DMTN: variants seen among roughly 807,000 people sequenced by gnomAD.
DMTN encodes dematin actin binding protein.
In DMTN, 27 loss-of-function variants were observed where a neutral mutation model predicts 59.4. The ratio of observed to expected loss-of-function variants is 0.45; its 90% confidence interval spans 0.33 to 0.63. The LOEUF (loss-of-function observed/expected upper bound fraction) is 0.63, where lower values mean the gene tolerates loss of function less well. Ranked by LOEUF, DMTN falls within the 20% of genes least tolerant of loss-of-function variation. DMTN has a pLI of 0.02. For missense variants in DMTN, 451 were observed against 528.9 expected, an observed-to-expected ratio of 0.85 and a Z score of 1.45; for synonymous variants, 221 against 203.7, an observed-to-expected ratio of 1.08 and a Z score of -0.72.
chr8:22,066,787 G>A lies in DMTN; in HGVS notation c.-89G>A. 1 of 1,373,960 alleles carries A rather than the reference G, an allele frequency of 7.3e-7. No individual in the cohort carries two copies. The highest frequency in any genetic ancestry group is 9.5e-7 in the Non-Finnish European group (1 of 1,052,424). 85.1% of individuals were successfully genotyped at this position (1,373,960 alleles called of 1,614,324 possible). A position where few individuals can be genotyped will look rare whatever the true frequency, so the allele number is the denominator to read the frequency against. On this transcript the variant is annotated 5_prime_UTR_variant, in exon 2 of 16. Transcript: ENST00000358242. ...GCTTTCGCGGCCCCAAGCGCGCAGCGCCCAGCAGCCGCGCCGAGCCTGACA... is the reference window on the plus strand; with the variant it reads ...GCTTTCGCGGCCCCAAGCGCGCAGCACCCAGCAGCCGCGCCGAGCCTGACA...
intron 10 of DMTN, among the ~76,000 whole-genome samples, chr8:22,079,638 T>C (rs1237396533): frequency 6.6e-6 from 1 of 151,912 alleles, no homozygotes; most frequent in Non-Finnish European, 1.5e-5. Context: ...GGTGTATTTT[T>C]TAATAGAGAC....
upstream of DMTN, among the ~76,000 whole-genome samples, chr8:22,054,190 G>A (rs1249137311): frequency 6.6e-6 from 1 of 152,026 alleles, no homozygotes; most frequent in Non-Finnish European, 1.5e-5. Flanking sequence ...TCCTCAGGTC[G>A]ACAGAGGGAG....
Position 22,081,537 on chromosome 8 carries a change from G to A in DMTN, c.*74G>A. On this transcript the variant is annotated 3_prime_UTR_variant, in exon 16 of 16. Transcript: ENST00000358242. ...GTTTTTCCCCGGCGGGTTGGGAGGG[G>A]CAGGAGGTGGGGTGGAAATAGGGTG... The A allele has an allele frequency of 7.3e-7, 1 of 1,376,492 alleles. No individual in the cohort carries two copies. Among genetic ancestry groups the A allele is most frequent in the Non-Finnish European group, 1.0e-6 (1 of 968,140 alleles). The allele number at this position is 1,376,492 out of a possible 1,614,324, so 85.3% of individuals were successfully genotyped here.
At chr8:22,068,669 A>G (rs1365453887) in intron 4 of DMTN, among the ~76,000 whole-genome samples, 1 of 151,888 alleles carries the variant, frequency 6.6e-6, no homozygotes, top group African/African-American at 2.4e-5. Flanking sequence ...AAGGCAGGGA[A>G]AGAAAGAAAA....
intron 2 of DMTN, 29 bp from the exon 3 acceptor site, chr8:22,067,056 C>G (rs781129917): frequency 6.6e-5 from 105 of 1,583,526 alleles, no homozygotes; most frequent in Non-Finnish European, 8.7e-5. Flanking sequence ...ACGCACGTGC[C>G]CACCCGCCCG....
chr8:22,070,007 G>C, intron 7 of DMTN, 70 bp downstream of exon 7: 1 of 1,599,492 alleles, frequency 6.3e-7, no homozygotes, highest in Non-Finnish European at 8.6e-7. Context: ...CTGGGGCTGC[G>C]GGCTGGCTGG....
At chr8:22,075,305 C>T (rs905327033) in intron 10 of DMTN, among the ~76,000 whole-genome samples, 2 of 151,430 alleles carry the variant, frequency 1.3e-5, no homozygotes, top group Non-Finnish European at 1.5e-5. Flanking sequence ...AGACCCTCCT[C>T]CTCCCCCTCC....
chr8:22,064,510 G>C (rs533504458), intron 1 of DMTN, among the ~76,000 whole-genome samples: 4 of 152,196 alleles, frequency 2.6e-5, no homozygotes, highest in Non-Finnish European at 4.4e-5. Flanking sequence ...CCAGGCTGGA[G>C]TGCAGTGGGA....
chr8:22,065,550 C>G (rs1032221827), intron 1 of DMTN, among the ~76,000 whole-genome samples: 2 of 152,044 alleles, frequency 1.3e-5, no homozygotes, highest in Non-Finnish European at 2.9e-5. Context: ...GTGTCAAAAG[C>G]AGGAAGGTAG....
At chr8:22,068,435 C>T (rs1812527384) in intron 4 of DMTN, among the ~76,000 whole-genome samples, 1 of 152,174 alleles carries the variant, frequency 6.6e-6, no homozygotes, top group African/African-American at 2.4e-5. Context: ...AGATGTGGTG[C>T]TGTGCACCTG....
Position 22,081,840 on chromosome 8 carries a change from G to C in DMTN, c.*377G>C, listed in dbSNP as rs142482023. The C allele has an allele frequency of 2.1e-6, 1 of 469,946 alleles. No individual in the cohort carries two copies. Among genetic ancestry groups the C allele is most frequent in the Non-Finnish European group, 4.2e-6 (1 of 236,094 alleles). 29.1% of individuals were successfully genotyped at this position (469,946 alleles called of 1,614,324 possible). On this transcript the variant is annotated 3_prime_UTR_variant, in exon 16 of 16. Transcript: ENST00000358242. ...GAGGGAAGATGCAGGGGTGGGAAGC[G>C]GCCAGGCAGAAAGAGCTCCAGGCTC...
chr8:22,054,034 G>A (rs762129085), upstream of DMTN, among the ~76,000 whole-genome samples: 9 of 152,130 alleles, frequency 5.9e-5, no homozygotes, highest in Non-Finnish European at 1.0e-4. Context: ...GGACAGTGAC[G>A]AGGTAGGGTC....
chr8:22,052,463 G>C (rs73545537), upstream of DMTN, among the ~76,000 whole-genome samples: 71 of 152,106 alleles, frequency 4.7e-4, no homozygotes, highest in Non-Finnish European at 8.4e-4. Flanking sequence ...AGACGTGGGT[G>C]GGGCGGGGGC....
intron 14 of DMTN, 21 bp from the exon 15 acceptor site, chr8:22,081,092 T>TGGGGGGGGGGGCG: frequency 6.5e-7 from 1 of 1,547,314 alleles, no homozygotes; most frequent in Non-Finnish European, 8.9e-7. Context: ...AGCCTAAGAT[T>TGGGGGGGGGGGCG]GCCCCTCCCC....
At chr8:22,067,775 G>A in intron 4 of DMTN, 93 bp downstream of exon 4, 1 of 1,452,932 alleles carries the variant, frequency 6.9e-7, no homozygotes, top group South Asian at 1.3e-5. Flanking sequence ...CTTTCCTGGA[G>A]GTCTGCCTCG....
At position 22,081,104 on chromosome 8, in the gene DMTN, C is replaced by CA; in HGVS notation, c.1024-8dup. ...GTGAGCCTAAGATTGCCCCTCCCCC[C>CA]ACCCCCAGATCTATCCCTATGAAAT... is the stretch of plus-strand genomic sequence containing the variant. On this transcript the variant is annotated splice_polypyrimidine_tract_variant and intron_variant, in intron 14 of 15. Coordinates refer to ENST00000358242, the MANE Select transcript of DMTN (RefSeq NM_001387751.1). 1.0e-6 allele frequency: 1 copy of CA among 984,488 alleles called. No individual in the cohort carries two copies. The highest frequency in any genetic ancestry group is 1.5e-6 in the Non-Finnish European group (1 of 646,264). 61.0% of individuals were successfully genotyped at this position (984,488 alleles called of 1,614,324 possible). A position where few individuals can be genotyped will look rare whatever the true frequency, so the allele number is the denominator to read the frequency against.
upstream of DMTN, among the ~76,000 whole-genome samples, chr8:22,049,616 C>A (rs1585551934): frequency 6.7e-6 from 1 of 149,456 alleles, no homozygotes; most frequent in Non-Finnish European, 1.5e-5. Flanking sequence ...AGGGGGAACA[C>A]CCTCAGTGAG....
chr8:22,064,870 C>A (rs965966664), intron 1 of DMTN, among the ~76,000 whole-genome samples: 3 of 152,186 alleles, frequency 2.0e-5, no homozygotes, highest in African/African-American at 7.2e-5. Flanking sequence ...TAGGTAGGCA[C>A]TGTGAATCGT....
At chr8:22,080,065 C>G (rs977831957) in intron 10 of DMTN, 115 bp from the exon 11 acceptor site, 20 of 1,209,538 alleles carry the variant, frequency 1.7e-5, no homozygotes, top group Non-Finnish European at 2.4e-5. Flanking sequence ...CAGGTTCCCC[C>G]CAGCGTGATC....
Sources: gnomAD v4.1 joint callset for allele counts (sites outside exome capture counted in the v4.1 genomes callset) on GRCh38, gnomAD v4.1.1 for gene constraint, MANE v1.5 for transcripts, NCBI Gene and HGNC (gene_info 2026-07-23, HGNC 2026-07-21) for gene names.